Variants in RNF19A observed in about 807,000 individuals in gnomAD.
The protein encoded by RNF19A is ring finger protein 19A, RBR E3 ubiquitin protein ligase.
Under a neutral mutation model 75.7 loss-of-function variants are expected in RNF19A, and 32 were observed. The observed-to-expected ratio is 0.42, with a 90% CI of 0.32 to 0.57. The LOEUF (loss-of-function observed/expected upper bound fraction) is 0.57, where lower values mean the gene tolerates loss of function less well. Among genes scored for constraint, RNF19A ranks in the 20% least tolerant of loss-of-function variants. The pLI is 0.10. For synonymous variants in RNF19A, 335 were observed against 345.2 expected, an observed-to-expected ratio of 0.97 and a Z score of 0.33; for missense variants, 782 against 1,036.3, an observed-to-expected ratio of 0.75 and a Z score of 3.37.
intron 3 of RNF19A, among the ~76,000 whole-genome samples, chr8:100,274,008 C>T (rs925799520): frequency 6.6e-6 from 1 of 152,036 alleles, no homozygotes; most frequent in Non-Finnish European, 1.5e-5. Flanking sequence ...TGGTCTTGAA[C>T]CCCTGATCTC....
chr8:100,261,445 G>T lies in RNF19A; in HGVS notation c.1682+97C>A. The T allele has an allele frequency of 5.6e-6, 6 of 1,068,636 alleles. No homozygotes were observed. The highest frequency in any genetic ancestry group is 8.5e-6 in the Non-Finnish European group (6 of 705,428). The allele number at this position is 1,068,636 out of a possible 1,614,324, so 66.2% of individuals were successfully genotyped here. On this transcript the variant is annotated intron_variant, in intron 8 of 9. Transcript: ENST00000341084. The surrounding 1 kb of genome is among the most constrained non-coding windows in gnomAD (Gnocchi z 4.4). ...CTATTTTGAACCTTGACATAGTAGG[G>T]TTATATATAATCATCATGCTTTATG...
intron 1 of RNF19A, chr8:100,336,031 G>C (rs1284442761): frequency 6.6e-6 from 1 of 152,224 alleles, no homozygotes; most frequent in Non-Finnish European, 1.5e-5. Context: ...GGTTAGCAGT[G>C]GGAGCTAAAG....
rs1403338566 is a variant in RNF19A, at chr8:100,317,731, T to A, written c.-242-4359A>T. Among the ~76,000 whole-genome samples, 6 of 152,114 alleles carry A rather than the reference T, an allele frequency of 3.9e-5. No homozygotes were observed. The highest frequency in any genetic ancestry group is 7.4e-5 in the Non-Finnish European group (5 of 68,008). ...GACAGGATGAGGTTGGCTCACGAGG[T>A]CTAGAGTGGCAGGATGCACTGGGGC... is the stretch of plus-strand genomic sequence containing the variant. On this transcript the variant is annotated intron_variant, in intron 1 of 3. Coordinates refer to the RNF19A transcript ENST00000519527. The surrounding 1 kb of genome is among the most constrained non-coding windows in gnomAD (Gnocchi z 4.3).
chr8:100,334,931 C>T (rs189932851), intron 1 of RNF19A, among the ~76,000 whole-genome samples: 1 of 152,178 alleles, frequency 6.6e-6, no homozygotes, highest in African/African-American at 2.4e-5. Context: ...CCAAGATAAG[C>T]TAATGGGTAG....
At chr8:100,320,115 C>T (rs1224051004) in intron 1 of RNF19A, among the ~76,000 whole-genome samples, 2 of 152,208 alleles carry the variant, frequency 1.3e-5, no homozygotes, top group African/African-American at 2.4e-5. Context: ...GGATTACAGG[C>T]GTGAGCCACT....
intron 1 of RNF19A, among the ~76,000 whole-genome samples, chr8:100,302,307 G>T (rs1205679389): frequency 6.6e-6 from 1 of 152,172 alleles, no homozygotes; most frequent in African/African-American, 2.4e-5. Context: ...CATCAGTGAA[G>T]GTGTTGAGGA....
At position 100,259,302 on chromosome 8, in the gene RNF19A, T is replaced by C; in HGVS notation, c.1827-56A>G. 1.4e-6 allele frequency: 2 copies of C among 1,418,310 alleles called. No individual in the cohort carries two copies. Among genetic ancestry groups the C allele is most frequent in the African/African-American group, 1.4e-5 (1 of 70,870 alleles). 87.9% of individuals were successfully genotyped at this position (1,418,310 alleles called of 1,614,324 possible). A position where few individuals can be genotyped will look rare whatever the true frequency, so the allele number is the denominator to read the frequency against. ...AATTGCTGACTTCTTTTTGTTCAGA[T>C]GACTGGGGGAAGGGTTTCTATGTGG... is the stretch of plus-strand genomic sequence containing the variant. On this transcript the variant is annotated intron_variant, in intron 9 of 9. Coordinates refer to ENST00000341084, the MANE Select transcript of RNF19A (RefSeq NM_183419.4). This position sits in a 1 kb window ranked among gnomAD's most constrained non-coding sequence, Gnocchi z 4.5.
intron 2 of RNF19A, among the ~76,000 whole-genome samples, chr8:100,278,303 A>G (rs534905098): frequency 6.6e-6 from 1 of 152,258 alleles, no homozygotes; most frequent in Admixed American, 6.5e-5. Context: ...TCATTTCTAC[A>G]TAAGTAATAT....
Position 100,264,355 on chromosome 8 carries a change from T to C in RNF19A, c.1307-160A>G. ...TGCCAAAAGTAGATTTACCCAGTTG[T>C]TAAGCAAATTCAAGGTTCCCAGCCT... is the stretch of plus-strand genomic sequence containing the variant. On this transcript the variant is annotated intron_variant, in intron 6 of 9. Coordinates refer to ENST00000341084, the MANE Select transcript of RNF19A (RefSeq NM_183419.4). The surrounding 1 kb of genome is among the most constrained non-coding windows in gnomAD (Gnocchi z 4.7). 1 of 653,848 alleles carries C rather than the reference T, an allele frequency of 1.5e-6. No individual in the cohort carries two copies. Among genetic ancestry groups the C allele is most frequent in the Non-Finnish European group, 2.5e-6 (1 of 395,088 alleles). 40.5% of individuals were successfully genotyped at this position (653,848 alleles called of 1,614,324 possible). A position where few individuals can be genotyped will look rare whatever the true frequency, so the allele number is the denominator to read the frequency against.
intron 1 of RNF19A, among the ~76,000 whole-genome samples, chr8:100,291,775 T>C (rs1043066852): frequency 1.3e-5 from 2 of 152,224 alleles, no homozygotes; most frequent in African/African-American, 2.4e-5. Context: ...GCTTAAAATA[T>C]GGAGAAAATC....
In RNF19A at chr8:100,297,268, T is replaced by C. The variant is rs140802062; in HGVS notation, c.-93-9001A>G. Among the ~76,000 whole-genome samples the C allele has an allele frequency of 4.7e-3, 710 of 152,354 alleles. 6 individuals are homozygous for C. Among genetic ancestry groups the C allele is most frequent in the African/African-American group, 0.016 (674 of 41,580 alleles). On this transcript the variant is annotated intron_variant, in intron 1 of 9. Transcript: ENST00000341084. ...TCTAAATACCTTTCAATTACTTCAA[T>C]GTGTCCTTAGACGCGTGAGCACATA... is the stretch of plus-strand genomic sequence containing the variant.
intron 1 of RNF19A, among the ~76,000 whole-genome samples, 197 bp from the exon 2 acceptor site, chr8:100,288,464 A>C (rs931867835): frequency 1.3e-5 from 2 of 152,172 alleles, no homozygotes; most frequent in African/African-American, 4.8e-5. Context: ...GCATTCTTTA[A>C]TCTTAATAAA....
chr8:100,293,197 TG>T (rs1284105146), intron 1 of RNF19A, among the ~76,000 whole-genome samples: 1 of 152,252 alleles, frequency 6.6e-6, no homozygotes, highest in Non-Finnish European at 1.5e-5. Flanking sequence ...GCCCAAGGGT[TG>T]GGGAGCCCTG....
rs987650751 is a variant in RNF19A, at chr8:100,332,679, T to C, written c.-243+3429A>G. On this transcript the variant is annotated intron_variant, in intron 1 of 3. Transcript: ENST00000519527. The surrounding 1 kb of genome is among the most constrained non-coding windows in gnomAD (Gnocchi z 4.8). Reference sequence around the variant, plus strand: ...TTTAACAAAGTGTATTATTAAACATTTTGGTCTTTGCAAATTTGTTAAAAT... The same window carrying C: ...TTTAACAAAGTGTATTATTAAACATCTTGGTCTTTGCAAATTTGTTAAAAT... Among the ~76,000 whole-genome samples the C allele has an allele frequency of 1.3e-5, 2 of 152,238 alleles. No individual in the cohort carries two copies. The highest frequency in any genetic ancestry group is 1.5e-5 in the Non-Finnish European group (1 of 68,032).
intron 2 of RNF19A, among the ~76,000 whole-genome samples, chr8:100,278,944 C>T (rs1820652358): frequency 1.3e-5 from 2 of 152,024 alleles, no homozygotes; most frequent in South Asian, 4.1e-4. Flanking sequence ...AAACCGTGGA[C>T]CTAAAGCATA....
Position 100,258,543 on chromosome 8 carries a change from A to T in RNF19A, c.*13T>A. The T allele has an allele frequency of 6.3e-7, 1 of 1,586,548 alleles. No individual in the cohort carries two copies. The highest frequency in any genetic ancestry group is 8.6e-7 in the Non-Finnish European group (1 of 1,163,684). On this transcript the variant is annotated 3_prime_UTR_variant, in exon 10 of 10. Transcript: ENST00000341084. This position sits in a 1 kb window ranked among gnomAD's most constrained non-coding sequence, Gnocchi z 4.3. ...GGTTGTACAGTGGTAATTATTCTGC[A>T]GCATTTATGGGCCTAAATTTCAGTC... is the stretch of plus-strand genomic sequence containing the variant.
rs73696623 is a variant in RNF19A at position 100,260,293 on chromosome 8, C to T, written c.1683-296G>A. On this transcript the variant is annotated intron_variant, in intron 8 of 9. Coordinates refer to ENST00000341084, the MANE Select transcript of RNF19A (RefSeq NM_183419.4). The surrounding 1 kb of genome is among the most constrained non-coding windows in gnomAD (Gnocchi z 4.1). ...TCCATTATTCTCACTCAGCATATGG[C>T]ACTTTGTAATGTTTCAATGCAAAAC... Among the ~76,000 whole-genome samples, 8,850 of 152,152 alleles carry T rather than the reference C, an allele frequency of 0.058. 857 individuals are homozygous for T. Among genetic ancestry groups the T allele is most frequent in the African/African-American group, 0.2 (8,266 of 41,458 alleles).
At chr8:100,278,052 TC>T (rs1820608096) in intron 2 of RNF19A, among the ~76,000 whole-genome samples, 1 of 152,250 alleles carries the variant, frequency 6.6e-6, no homozygotes, top group Non-Finnish European at 1.5e-5. Flanking sequence ...AAATTCTACT[TC>T]CACCACTTAA....
intron 1 of RNF19A, among the ~76,000 whole-genome samples, chr8:100,295,817 A>G (rs1223502556): frequency 6.6e-6 from 1 of 152,226 alleles, no homozygotes; most frequent in Non-Finnish European, 1.5e-5. Flanking sequence ...CATATCATTA[A>G]GAGAAGTTTG....
Sources: gnomAD v4.1 joint callset for allele counts (sites outside exome capture counted in the v4.1 genomes callset) on GRCh38, gnomAD v4.1.1 for gene constraint, Gnocchi (gnomAD v3.1) non-coding constraint, MANE v1.5 for transcripts, NCBI Gene and HGNC (gene_info 2026-07-23, HGNC 2026-07-21) for gene names.